Variants in APMAP observed in about 807,000 individuals in gnomAD.
The protein encoded by APMAP is adipocyte plasma membrane-associated protein.
Under a neutral mutation model 43.6 loss-of-function variants are expected in APMAP, and 33 were observed. The observed-to-expected ratio is 0.76, with a 90% CI of 0.57 to 1.01. APMAP has a LOEUF of 1.01. Ranked by LOEUF, APMAP falls within the 50% of genes least tolerant of loss-of-function variation. The pLI is 0.00. For missense variants in APMAP, 498 were observed against 540.7 expected, an observed-to-expected ratio of 0.92 and a Z score of 0.78; for synonymous variants, 224 against 216.7, an observed-to-expected ratio of 1.03 and a Z score of -0.30.
intron 1 of APMAP, among the ~76,000 whole-genome samples, chr20:24,989,222 C>T (rs936230810): frequency 2.0e-5 from 3 of 152,108 alleles, no homozygotes; most frequent in African/African-American, 7.2e-5. Flanking sequence ...CAACTTAGTT[C>T]CCAGGCGCAG....
chr20:24,963,657 G>C lies in APMAP; in HGVS notation c.*156C>G. On this transcript the variant is annotated 3_prime_UTR_variant, in exon 9 of 9. Transcript: ENST00000217456. ...GCCCAGGTGGGGCCCGGGCATCCTC[G>C]AGGAATGAAGCAGCCATTCCCACCA... 4 of 772,840 alleles carry C rather than the reference G, an allele frequency of 5.2e-6. No individual in the cohort carries two copies. In the South Asian group the frequency reaches 7.1e-5, roughly 14 times the overall value. The allele number at this position is 772,840 out of a possible 1,614,324, so 47.9% of individuals were successfully genotyped here. A position where few individuals can be genotyped will look rare whatever the true frequency, so the allele number is the denominator to read the frequency against.
chr20:24,971,625 T>G, intron 4 of APMAP, 49 bp from the exon 5 acceptor site: 1 of 1,451,360 alleles, frequency 6.9e-7, no homozygotes, highest in African/African-American at 1.4e-5. Context: ...GGATTCTACA[T>G]GTGCTGTTCT....
chr20:24,987,541 A>G (rs983035814), intron 1 of APMAP, among the ~76,000 whole-genome samples: 1 of 152,194 alleles, frequency 6.6e-6, no homozygotes, highest in African/African-American at 2.4e-5. Flanking sequence ...GAAAGCAGAG[A>G]GAGTTGGTGG....
In APMAP at chr20:24,968,885, C is replaced by A; in HGVS notation, c.1041+7G>T. The A allele has an allele frequency of 6.4e-7, 1 of 1,572,590 alleles. No individual in the cohort carries two copies. The highest frequency in any genetic ancestry group is 8.6e-7 in the Non-Finnish European group (1 of 1,157,768). On this transcript the variant is annotated splice_region_variant and intron_variant, in intron 8 of 8. Transcript: ENST00000217456. ...TTCTTTCTTGGAATAACAGTTTTCA[C>A]AGTTACCTTAAAAATCATCCTTTTA... is the stretch of plus-strand genomic sequence containing the variant.
Position 24,969,576 on chromosome 20 carries a change from AGGAGACAGCT to A in APMAP, c.788_797del (p.Gln263LeufsTer24). On this transcript the variant is annotated frameshift_variant, in exon 7 of 9. Coordinates refer to ENST00000217456, the MANE Select transcript of APMAP (RefSeq NM_020531.3). LOFTEE classifies it high-confidence loss of function. The stretch of plus-strand genomic sequence containing the variant: ...CTGCCACCAGGACAAAGTCTTCTGC[AGGAGACAGCT>A]GGACTCCATTCGGGAACCGCAGCTG... The A allele has an allele frequency of 1.2e-6, 2 of 1,614,050 alleles. No individual in the cohort carries two copies. Among genetic ancestry groups the A allele is most frequent in the Middle Eastern group, 1.7e-4 (1 of 6,044 alleles).
At chr20:24,964,844 A>G (rs2087929923) in intron 8 of APMAP, among the ~76,000 whole-genome samples, 1 of 152,094 alleles carries the variant, frequency 6.6e-6, no homozygotes, top group South Asian at 2.1e-4. Context: ...CAGTCACTGG[A>G]AATGTTCAAG....
chr20:24,977,894 C>A (rs2088063904), intron 3 of APMAP, among the ~76,000 whole-genome samples: 1 of 152,134 alleles, frequency 6.6e-6, no homozygotes, highest in Non-Finnish European at 1.5e-5. Context: ...ACTTTGACAG[C>A]CAAGAAAACA....
At chr20:24,984,703 T>C (rs2088133047) in intron 1 of APMAP, among the ~76,000 whole-genome samples, 3 of 152,250 alleles carry the variant, frequency 2.0e-5, no homozygotes. Context: ...ATATGAAAGC[T>C]TCCCTGGGAA....
At chr20:24,991,337 G>C (rs748212660) in intron 1 of APMAP, among the ~76,000 whole-genome samples, 3 of 152,182 alleles carry the variant, frequency 2.0e-5, no homozygotes, top group Non-Finnish European at 4.4e-5. Flanking sequence ...CAGTAAGTAG[G>C]GTGATCAGAT....
intron 2 of APMAP, among the ~76,000 whole-genome samples, chr20:24,980,624 A>G (rs2088095510): frequency 6.6e-6 from 1 of 151,602 alleles, no homozygotes. Flanking sequence ...CAGGGCCACC[A>G]CAGTCAAGAG....
intron 8 of APMAP, chr20:24,964,366 T>G (rs189803871): frequency 1.9e-6 from 1 of 515,204 alleles, no homozygotes; most frequent in African/African-American, 1.9e-5. Flanking sequence ...CAGAATGACC[T>G]CCACTCACCA....
In APMAP at chr20:24,963,777, C is replaced by T. The variant is rs1182419390; in HGVS notation, c.*36G>A. On this transcript the variant is annotated 3_prime_UTR_variant, in exon 9 of 9. Transcript: ENST00000217456. ...GGCCTGGTGCCTGAGTGTGAAGACT[C>T]CTGGCCTGCGTGGCAGGGGCAGCTA... 1.2e-6 allele frequency: 2 copies of T among 1,604,474 alleles called. No homozygotes were observed. The highest frequency in any genetic ancestry group is 1.7e-6 in the Non-Finnish European group (2 of 1,172,342).
chr20:24,974,550 T>C (rs186984821), intron 3 of APMAP, among the ~76,000 whole-genome samples: 263 of 152,276 alleles, frequency 1.7e-3, no homozygotes, highest in African/African-American at 5.7e-3. Context: ...AAGAGAGACA[T>C]TGCCAGAATT....
At chr20:24,988,522 A>T (rs1393591626) in intron 1 of APMAP, among the ~76,000 whole-genome samples, 2 of 152,236 alleles carry the variant, frequency 1.3e-5, no homozygotes, top group Non-Finnish European at 2.9e-5. Context: ...GGGATCTACC[A>T]TACCAGTAAC....
intron 1 of APMAP, among the ~76,000 whole-genome samples, chr20:24,991,922 A>C (rs1481729144): frequency 1.3e-5 from 2 of 152,242 alleles, no homozygotes; most frequent in South Asian, 2.1e-4. Context: ...AGGTGTCAAC[A>C]ACTACAGTTT....
rs1398643779 is a variant in APMAP, at chr20:24,992,706, C to T, written c.-18G>A. ...TCGCTCATGGTACGGGCGCCAGCCT[C>T]ACCCGCAGAAACCACCTCACACTGA... On this transcript the variant is annotated 5_prime_UTR_variant, in exon 1 of 9. Transcript: ENST00000217456. 6.7e-7 allele frequency: 1 copy of T among 1,501,158 alleles called. No homozygotes were observed. Among genetic ancestry groups the T allele is most frequent in the South Asian group, 1.2e-5 (1 of 81,122 alleles). 93.0% of individuals were successfully genotyped at this position (1,501,158 alleles called of 1,614,324 possible). A position where few individuals can be genotyped will look rare whatever the true frequency, so the allele number is the denominator to read the frequency against.
intron 1 of APMAP, among the ~76,000 whole-genome samples, chr20:24,991,597 G>T (rs540074350): frequency 6.6e-6 from 1 of 152,128 alleles, no homozygotes; most frequent in East Asian, 1.9e-4. Flanking sequence ...AGTCTACAGG[G>T]GCAAAAACTG....
intron 2 of APMAP, among the ~76,000 whole-genome samples, chr20:24,980,040 G>GCACT (rs2088088477): frequency 6.6e-6 from 1 of 152,202 alleles, no homozygotes; most frequent in Admixed American, 6.5e-5. Context: ...AGCTTCTCAT[G>GCACT]CACTGTGTGA....
chr20:24,992,698 G>T lies in APMAP; in HGVS notation c.-10C>A. The stretch of plus-strand genomic sequence containing the variant: ...CGTCCGCCTCGCTCATGGTACGGGC[G>T]CCAGCCTCACCCGCAGAAACCACCT... On this transcript the variant is annotated 5_prime_UTR_variant, in exon 1 of 9. Coordinates refer to ENST00000217456, the MANE Select transcript of APMAP (RefSeq NM_020531.3). The T allele has an allele frequency of 6.6e-7, 1 of 1,507,518 alleles. No homozygotes were observed. 93.4% of individuals were successfully genotyped at this position (1,507,518 alleles called of 1,614,324 possible).
Sources: gnomAD v4.1 joint callset for allele counts (sites outside exome capture counted in the v4.1 genomes callset) on GRCh38, gnomAD v4.1.1 for gene constraint, MANE v1.5 for transcripts, NCBI Gene and HGNC (gene_info 2026-07-23, HGNC 2026-07-21) for gene names.